PLAGL1: variants seen among roughly 807,000 people sequenced by gnomAD.
PLAGL1 encodes the protein zinc finger protein PLAGL1.
Under a neutral mutation model 4.6 loss-of-function variants are expected in PLAGL1, and 1 was observed. The observed-to-expected ratio is 0.22, with a 90% CI of 0.08 to 1.03. The LOEUF (loss-of-function observed/expected upper bound fraction) is 1.03. Ranked by LOEUF, PLAGL1 falls within the 50% of genes least tolerant of loss-of-function variation. The probability of loss-of-function intolerance (pLI) is 0.58; values close to 1 mark genes in which losing one functional copy is unlikely to be tolerated. For synonymous variants in PLAGL1, 240 were observed against 237.8 expected (o/e 1.01, Z -0.08); for missense variants, 464 against 570.4 (o/e 0.81, Z 1.90).
rs1321592436 is a variant in PLAGL1, at chr6:143,973,708, C to T, written c.-543-4730G>A. 1.3e-5 allele frequency among the ~76,000 whole-genome samples: 2 copies of T among 152,220 alleles called. No individual in the cohort carries two copies. The highest frequency in any genetic ancestry group is 2.9e-5 in the Non-Finnish European group (2 of 68,036). On this transcript the variant is annotated intron_variant, in intron 2 of 7. Transcript: ENST00000674357. The surrounding 1 kb of genome is among the most constrained non-coding windows in gnomAD (Gnocchi z 6.2). ...TAATAGCCAGAGGAAGATGGCTATACACGCAGCCTCTATTAGTTCACTGCT... is the reference window on the plus strand; with the variant it reads ...TAATAGCCAGAGGAAGATGGCTATATACGCAGCCTCTATTAGTTCACTGCT...
At chr6:143,993,390 A>G (rs565789018) in intron 1 of PLAGL1, among the ~76,000 whole-genome samples, 28 of 148,794 alleles carry the variant, frequency 1.9e-4, no homozygotes, top group Non-Finnish European at 3.7e-4. Context: ...TGTATTGGTT[A>G]TTATTGGCTT....
chr6:143,989,049 A>T lies in PLAGL1; in HGVS notation c.-583-3875T>A, dbSNP rs1485552115. 6.6e-6 allele frequency among the ~76,000 whole-genome samples: 1 copy of T among 152,228 alleles called. No homozygotes were observed. Among genetic ancestry groups the T allele is most frequent in the Non-Finnish European group, 1.5e-5 (1 of 68,030 alleles). On this transcript the variant is annotated intron_variant, in intron 1 of 7. Coordinates refer to ENST00000674357, the MANE Select transcript of PLAGL1 (RefSeq NM_001317162.2). The surrounding 1 kb of genome is among the most constrained non-coding windows in gnomAD (Gnocchi z 4.8). The stretch of plus-strand genomic sequence containing the variant: ...CACCAAAAATAACAGAGGGAGAAAA[A>T]TTCAGAGTAGACCACTCAAAACCTA...
In PLAGL1 at chr6:143,997,879, C is replaced by T. The variant is rs1792018650; in HGVS notation, c.-584+10211G>A. On this transcript the variant is annotated intron_variant, in intron 1 of 7. Transcript: ENST00000674357. The surrounding 1 kb of genome is among the most constrained non-coding windows in gnomAD (Gnocchi z 4.6). Reference sequence around the variant, plus strand: ...GTGCGTATGTGTGTGTGTGTATAAACTCATCAAGCTATATACTTAAGAATG... The same window carrying T: ...GTGCGTATGTGTGTGTGTGTATAAATTCATCAAGCTATATACTTAAGAATG... Among the ~76,000 whole-genome samples, 1 of 152,224 alleles carries T rather than the reference C, an allele frequency of 6.6e-6. No homozygotes were observed. Among genetic ancestry groups the T allele is most frequent in the East Asian group, 1.9e-4 (1 of 5,184 alleles).
chr6:143,980,394 T>G (rs1334559030), intron 2 of PLAGL1, among the ~76,000 whole-genome samples: 1 of 151,550 alleles, frequency 6.6e-6, no homozygotes, highest in Non-Finnish European at 1.5e-5. Flanking sequence ...TCTAGTTTTT[T>G]TTTTTTTTTT....
rs55768066 is a variant in PLAGL1, at chr6:143,985,982, TTATATATATATA to T, written c.-583-820_-583-809del. Reference sequence around the variant, plus strand: ...TATATCAAATTATATATATATAAAATTATATATATATATATATATATATATATATCATTTAAT... The same window carrying T: ...TATATCAAATTATATATATATAAAATTATATATATATATATATCATTTAAT... On this transcript the variant is annotated intron_variant, in intron 1 of 7. Transcript: ENST00000674357. The surrounding 1 kb of genome is among the most constrained non-coding windows in gnomAD (Gnocchi z 4.4). 5.0e-3 allele frequency among the ~76,000 whole-genome samples: 559 copies of T among 111,568 alleles called. 14 individuals carry two copies. The highest frequency in any genetic ancestry group is 0.014 in the South Asian group (46 of 3,314). The allele number at this position is 111,568 out of a possible 152,430, so 73.2% of individuals were successfully genotyped here.
intron 1 of PLAGL1, among the ~76,000 whole-genome samples, chr6:144,028,829 T>A (rs1796569822): frequency 6.6e-6 from 1 of 152,210 alleles, no homozygotes; most frequent in Non-Finnish European, 1.5e-5. Context: ...ATTTTTTTCT[T>A]ATTATAAAAA....
intron 1 of PLAGL1, among the ~76,000 whole-genome samples, chr6:144,030,255 A>AC (rs1796708122): frequency 2.5e-5 from 1 of 39,348 alleles, no homozygotes; most frequent in African/African-American, 9.4e-5. Flanking sequence ...ACTCCGTCTC[A>AC]AAAAAAAAAA....
At chr6:144,038,630 A>C (rs1486252157) in intron 1 of PLAGL1, among the ~76,000 whole-genome samples, 2 of 152,240 alleles carry the variant, frequency 1.3e-5, no homozygotes, top group Non-Finnish European at 2.9e-5. Context: ...TGTCCAAACA[A>C]AGAAATATAT....
At chr6:144,030,269 A>AG in intron 1 of PLAGL1, among the ~76,000 whole-genome samples, 1 of 150,966 alleles carries the variant, frequency 6.6e-6, no homozygotes, top group African/African-American at 2.4e-5. Flanking sequence ...AAAAAAAAAA[A>AG]AAAAAAAAAA....
At chr6:143,993,949 G>A (rs915256765) in intron 1 of PLAGL1, among the ~76,000 whole-genome samples, 4 of 151,808 alleles carry the variant, frequency 2.6e-5, no homozygotes, top group Non-Finnish European at 5.9e-5. Flanking sequence ...ACGATCCTTT[G>A]GCCCCCAGTA....
At position 144,004,248 on chromosome 6, in the gene PLAGL1, C is replaced by T. The variant is rs1037827389; in HGVS notation, c.-584+3842G>A. 9.2e-5 allele frequency among the ~76,000 whole-genome samples: 14 copies of T among 151,700 alleles called. No homozygotes were observed. Among genetic ancestry groups the T allele is most frequent in the African/African-American group, 3.2e-4 (13 of 41,246 alleles). ...CCAGGCTGCAGTGCAGTGGCATGATCGTAGTTCACTGTAAGCTCGAACTCC... is the reference window on the plus strand; with the variant it reads ...CCAGGCTGCAGTGCAGTGGCATGATTGTAGTTCACTGTAAGCTCGAACTCC... On this transcript the variant is annotated intron_variant, in intron 1 of 7. Coordinates refer to ENST00000674357, the MANE Select transcript of PLAGL1 (RefSeq NM_001317162.2). The surrounding 1 kb of genome is among the most constrained non-coding windows in gnomAD (Gnocchi z 4.2).
In PLAGL1 at chr6:143,961,826, G is replaced by T. The variant is rs979681794; in HGVS notation, c.-398-1284C>A. On this transcript the variant is annotated intron_variant, in intron 5 of 7. Transcript: ENST00000674357. The surrounding 1 kb of genome is among the most constrained non-coding windows in gnomAD (Gnocchi z 6.5). ...CTTTGCACCTACCCATCTCACAAAC[G>T]GACAATACCAATTTATGTATTCAAA... Among the ~76,000 whole-genome samples the T allele has an allele frequency of 1.3e-5, 2 of 152,074 alleles. No homozygotes were observed. Among genetic ancestry groups the T allele is most frequent in the Non-Finnish European group, 2.9e-5 (2 of 68,016 alleles).
rs1216445570 is a variant in PLAGL1 at position 143,940,714 on chromosome 6, C to A, written c.*710G>T. Reference sequence around the variant, plus strand: ...ACGCCTGGATTATTTTACCACTTAACCTGGTTACACAGTGATTTTTTTTTT... The same window carrying A: ...ACGCCTGGATTATTTTACCACTTAAACTGGTTACACAGTGATTTTTTTTTT... On this transcript the variant is annotated 3_prime_UTR_variant, in exon 8 of 8. Transcript: ENST00000674357. 2 of 145,908 alleles carry A rather than the reference C, an allele frequency of 1.4e-5. No individual in the cohort carries two copies. Among genetic ancestry groups the A allele is most frequent in the Non-Finnish European group, 3.0e-5 (2 of 66,904 alleles). The allele number at this position is 145,908 out of a possible 1,614,324, so 9.0% of individuals were successfully genotyped here. A position where few individuals can be genotyped will look rare whatever the true frequency, so the allele number is the denominator to read the frequency against.
At chr6:144,001,029 C>G (rs549044049) in intron 1 of PLAGL1, among the ~76,000 whole-genome samples, 1 of 152,094 alleles carries the variant, frequency 6.6e-6, no homozygotes, top group African/African-American at 2.4e-5. Flanking sequence ...GCAAGGACAC[C>G]TAGCACACAG....
rs189334319 is a variant in PLAGL1 at position 143,955,728 on chromosome 6, G to A, written c.-325+4741C>T. Among the ~76,000 whole-genome samples the A allele has an allele frequency of 5.9e-5, 9 of 152,224 alleles. No homozygotes were observed. In the East Asian group the frequency reaches 1.7e-3, roughly 29 times the overall value. ...TGCCACCAGATTTCACTTTTTGATG[G>A]TAACTCTGGCAGGGACGTATAAGAC... On this transcript the variant is annotated intron_variant, in intron 6 of 7. Transcript: ENST00000674357. The surrounding 1 kb of genome is among the most constrained non-coding windows in gnomAD (Gnocchi z 4.9).
rs1024981339 is a variant in PLAGL1 at position 143,964,373 on chromosome 6, C to A, written c.-399+414G>T. Among the ~76,000 whole-genome samples the A allele has an allele frequency of 6.6e-5, 10 of 152,156 alleles. No homozygotes were observed. The highest frequency in any genetic ancestry group is 2.4e-4 in the African/African-American group (10 of 41,428). On this transcript the variant is annotated intron_variant, in intron 5 of 7. Coordinates refer to ENST00000674357, the MANE Select transcript of PLAGL1 (RefSeq NM_001317162.2). The surrounding 1 kb of genome is among the most constrained non-coding windows in gnomAD (Gnocchi z 4.3). ...AAATCTCCAGGTCCTAGGACACACT[C>A]CATGGGGGAAGGGGAAGCACCTAAA...
At chr6:144,045,697 T>C (rs2128720708) in intron 1 of PLAGL1, among the ~76,000 whole-genome samples, 1 of 152,330 alleles carries the variant, frequency 6.6e-6, no homozygotes, top group Non-Finnish European at 1.5e-5. Context: ...AGTATCTTTG[T>C]GGTGTTCTCT....
chr6:144,034,323 AT>A lies in PLAGL1; in HGVS notation c.-151+30144del, dbSNP rs1797057116. 6.6e-6 allele frequency among the ~76,000 whole-genome samples: 1 copy of A among 152,122 alleles called. No homozygotes were observed. Among genetic ancestry groups the A allele is most frequent in the Non-Finnish European group, 1.5e-5 (1 of 68,026 alleles). On this transcript the variant is annotated intron_variant, in intron 1 of 3. Coordinates refer to the PLAGL1 transcript ENST00000437412. The surrounding 1 kb of genome is among the most constrained non-coding windows in gnomAD (Gnocchi z 4.7). ...CTGGACTGAAGCCTCTAGGCCCCAG[AT>A]TGCTGACTCAGGCTGCTGGGCACAC...
intron 1 of PLAGL1, among the ~76,000 whole-genome samples, chr6:144,058,226 G>A (rs1333132409): frequency 6.6e-6 from 1 of 152,196 alleles, no homozygotes; most frequent in African/African-American, 2.4e-5. Flanking sequence ...CATGATGAGA[G>A]TAAGAGCAAG....
Sources: gnomAD v4.1 joint callset for allele counts (sites outside exome capture counted in the v4.1 genomes callset) on GRCh38, gnomAD v4.1.1 for gene constraint, Gnocchi (gnomAD v3.1) non-coding constraint, MANE v1.5 for transcripts, NCBI Gene and HGNC (gene_info 2026-07-23, HGNC 2026-07-21) for gene names.